The following RARB variants were observed in gnomAD, a reference collection of about 807,000 sequenced individuals.
RARB encodes the protein retinoic acid receptor beta.
Under a neutral mutation model 51.9 loss-of-function variants are expected in RARB, and 17 were observed. That is an observed-to-expected ratio of 0.33 (90% CI 0.22 to 0.49). The LOEUF is 0.49. RARB is among the 20% of genes least tolerant of loss of function. The pLI is 0.99. For missense variants in RARB, 369 were observed against 550.8 expected, an observed-to-expected ratio of 0.67 and a Z score of 3.30; for synonymous variants, 215 against 195.4, an observed-to-expected ratio of 1.10 and a Z score of -0.84.
intron 5 of RARB, among the ~76,000 whole-genome samples, chr3:25,308,510 G>A (rs1027538288): frequency 1.3e-4 from 19 of 149,008 alleles, no homozygotes; most frequent in African/African-American, 3.2e-4. Context: ...GTGCAGTGGC[G>A]TGGTCTTGGC....
chr3:24,878,473 C>G (rs887161268), intron 2 of RARB, among the ~76,000 whole-genome samples: 2 of 152,006 alleles, frequency 1.3e-5, no homozygotes, highest in African/African-American at 4.8e-5. Flanking sequence ...AGCAAAAGAG[C>G]TGACTGGAGG....
At chr3:25,547,806 GA>G (rs767118603) in intron 3 of RARB, among the ~76,000 whole-genome samples, 6 of 151,756 alleles carry the variant, frequency 4.0e-5, no homozygotes, top group Non-Finnish European at 8.8e-5. Flanking sequence ...TGGGTGGATG[GA>G]AAAAAGGGTA....
At chr3:24,901,904 T>C (rs1703615037) in intron 2 of RARB, among the ~76,000 whole-genome samples, 1 of 151,994 alleles carries the variant, frequency 6.6e-6, no homozygotes. Context: ...TAATAATAAG[T>C]TGGTGCAAAA....
At chr3:25,441,511 C>G (rs544218723) in intron 1 of RARB, 1 of 163,416 alleles carries the variant, frequency 6.1e-6, no homozygotes, top group Non-Finnish European at 1.3e-5. Flanking sequence ...GTTGGATTTT[C>G]GAGTAGTGTG....
At chr3:25,394,415 T>C (rs1707059202) in intron 5 of RARB, among the ~76,000 whole-genome samples, 1 of 152,176 alleles carries the variant, frequency 6.6e-6, no homozygotes, top group African/African-American at 2.4e-5. Flanking sequence ...GTTAAGTTCA[T>C]TTGTTCTAAG....
At chr3:25,321,467 C>T (rs895615966) in intron 5 of RARB, among the ~76,000 whole-genome samples, 1 of 151,844 alleles carries the variant, frequency 6.6e-6, no homozygotes, top group African/African-American at 2.4e-5. Flanking sequence ...TCTGTAATCC[C>T]AGCACTTTGG....
chr3:24,991,486 T>G (rs1309707171), intron 2 of RARB, among the ~76,000 whole-genome samples: 2 of 151,700 alleles, frequency 1.3e-5, no homozygotes, highest in Admixed American at 1.3e-4. Context: ...AAAATTAGCA[T>G]TTTGGTCCTT....
chr3:25,278,932 C>A (rs780079737), intron 5 of RARB, among the ~76,000 whole-genome samples: 2 of 151,996 alleles, frequency 1.3e-5, no homozygotes, highest in Non-Finnish European at 2.9e-5. Context: ...TTCTTTAGTC[C>A]CTGTAAGCAC....
chr3:24,916,991 T>C (rs954659157), intron 2 of RARB, among the ~76,000 whole-genome samples: 1 of 152,200 alleles, frequency 6.6e-6, no homozygotes, highest in Admixed American at 6.5e-5. Context: ...GTATGAAGTT[T>C]TTGTGAATTT....
chr3:25,069,157 G>A (rs968996799), intron 3 of RARB, among the ~76,000 whole-genome samples: 2 of 151,888 alleles, frequency 1.3e-5, no homozygotes, highest in African/African-American at 4.9e-5. Flanking sequence ...AAGAAGGAAA[G>A]GGAAGAGAAA....
At chr3:25,488,439 T>C (rs140735244) in intron 2 of RARB, among the ~76,000 whole-genome samples, 16 of 152,338 alleles carry the variant, frequency 1.1e-4, no homozygotes, top group African/African-American at 3.4e-4. Context: ...TCCTAAGTTA[T>C]CTCTTTTGTC....
intron 4 of RARB, among the ~76,000 whole-genome samples, chr3:25,170,946 G>A (rs934143931): frequency 5.3e-5 from 8 of 152,068 alleles, no homozygotes; most frequent in African/African-American, 1.7e-4. Flanking sequence ...CCTGTCTGGC[G>A]TTTTGTTTAT....
chr3:24,903,687 T>G (rs1694779540), intron 2 of RARB, among the ~76,000 whole-genome samples: 1 of 152,150 alleles, frequency 6.6e-6, no homozygotes, highest in Non-Finnish European at 1.5e-5. Flanking sequence ...CTTTAAGATC[T>G]TGATGTTCAA....
chr3:24,865,625 A>G (rs1702833070), intron 2 of RARB, among the ~76,000 whole-genome samples: 2 of 152,146 alleles, frequency 1.3e-5, no homozygotes, highest in African/African-American at 2.4e-5. Context: ...TCTTATATTT[A>G]TTATAACTTA....
intron 2 of RARB, among the ~76,000 whole-genome samples, chr3:25,036,699 CTTTG>C (rs1009219837): frequency 2.0e-4 from 31 of 152,122 alleles, no homozygotes; most frequent in African/African-American, 6.8e-4. Flanking sequence ...TCTGAGTTAT[CTTTG>C]TTTGTAGGGC....
At chr3:25,419,536 G>T (rs1369099554) in intron 5 of RARB, among the ~76,000 whole-genome samples, 1 of 151,792 alleles carries the variant, frequency 6.6e-6, no homozygotes, top group Non-Finnish European at 1.5e-5. Flanking sequence ...GTTCTCTAAA[G>T]GTTCTCTGGT....
chr3:24,852,952 T>G (rs1316245705), intron 1 of RARB, among the ~76,000 whole-genome samples: 1 of 152,094 alleles, frequency 6.6e-6, no homozygotes, highest in Non-Finnish European at 1.5e-5. Flanking sequence ...ACTAAAAACC[T>G]TTGAACTGTA....
At chr3:25,184,355 C>T (rs1210055147) in intron 5 of RARB, among the ~76,000 whole-genome samples, 3 of 152,108 alleles carry the variant, frequency 2.0e-5, no homozygotes, top group Non-Finnish European at 4.4e-5. Flanking sequence ...GATGATAGCA[C>T]AGAGTTACCT....
intron 5 of RARB, among the ~76,000 whole-genome samples, chr3:25,198,418 C>T (rs1272543813): frequency 6.6e-6 from 1 of 151,930 alleles, no homozygotes; most frequent in Non-Finnish European, 1.5e-5. Flanking sequence ...CAAAAATGGA[C>T]AAATAGGATC....
Sources: allele counts gnomAD v4.1 joint callset (sites outside exome capture counted in the v4.1 genomes callset), GRCh38; gene constraint gnomAD v4.1.1; transcripts MANE v1.5; gene names NCBI Gene and HGNC (gene_info 2026-07-23, HGNC 2026-07-21).